Variants in NETO2 observed in about 807,000 individuals in gnomAD.
NETO2 encodes neuropilin and tolloid-like protein 2.
Under a neutral mutation model 62.5 loss-of-function variants are expected in NETO2, and 28 were observed. The ratio of observed to expected loss-of-function variants is 0.45; its 90% CI spans 0.33 to 0.61. The LOEUF (loss-of-function observed/expected upper bound fraction) is 0.61, where lower values mean the gene tolerates loss of function less well. Ranked by LOEUF, NETO2 falls within the 20% of genes least tolerant of loss-of-function variation. The probability of loss-of-function intolerance (pLI) is 0.02; values close to 1 mark genes in which losing one functional copy is unlikely to be tolerated. For missense variants in NETO2, 548 were observed against 643.2 expected (o/e 0.85, Z 1.60); for synonymous variants, 214 against 219.1 (o/e 0.98, Z 0.21).
chr16:47,133,310 C>T (rs1471341784), intron 1 of NETO2, among the ~76,000 whole-genome samples: 1 of 151,688 alleles, frequency 6.6e-6, no homozygotes, highest in Non-Finnish European at 1.5e-5. Context: ...GCTGGTGGCT[C>T]ATGCCTGCAA....
In NETO2 at chr16:47,080,034, G is replaced by C. The variant is rs1963035879; in HGVS notation, c.*3187C>G. ...AAAGTCTAACAATTCTATGAAACAT[G>C]ACAAAGACACTGACATAAGCGCTGT... On this transcript the variant is annotated 3_prime_UTR_variant, in exon 9 of 9. Transcript: ENST00000562435. The C allele has an allele frequency of 6.6e-6, 1 of 152,192 alleles. No individual in the cohort carries two copies. Among genetic ancestry groups the C allele is most frequent in the East Asian group, 1.9e-4 (1 of 5,194 alleles). 9.4% of individuals were successfully genotyped at this position (152,192 alleles called of 1,614,324 possible).
chr16:47,109,419 A>G (rs971722536), intron 7 of NETO2, 64 bp downstream of exon 7: 71 of 1,093,418 alleles, frequency 6.5e-5, no homozygotes, highest in Non-Finnish European at 8.7e-5. Flanking sequence ...GTAAATGCTG[A>G]GTGTACTGTG....
chr16:47,138,103 T>C (rs1964394880), intron 1 of NETO2, among the ~76,000 whole-genome samples: 1 of 152,194 alleles, frequency 6.6e-6, no homozygotes, highest in Non-Finnish European at 1.5e-5. Flanking sequence ...TCTCTTTCTT[T>C]AAAAACACTT....
intron 7 of NETO2, among the ~76,000 whole-genome samples, chr16:47,095,559 A>C (rs1201846181): frequency 1.3e-5 from 2 of 152,192 alleles, no homozygotes; most frequent in Non-Finnish European, 1.5e-5. Context: ...CTAGTCTTGG[A>C]TAAAAAAGGA....
chr16:47,123,721 G>A (rs372379521), intron 4 of NETO2, among the ~76,000 whole-genome samples: 4 of 152,242 alleles, frequency 2.6e-5, no homozygotes, highest in South Asian at 4.1e-4. Context: ...TTTTTGAGAT[G>A]GAGTTTCACA....
Position 47,132,882 on chromosome 16 carries a change from G to A in NETO2, c.35-857C>T, listed in dbSNP as rs549047498. On this transcript the variant is annotated intron_variant, in intron 1 of 8. Transcript: ENST00000562435. Reference sequence around the variant, plus strand: ...AGGAGTTTCATGAATCTAGGCTAGGGTTCAAGTTTTGCCTTCTACCAGCTG... The same window carrying A: ...AGGAGTTTCATGAATCTAGGCTAGGATTCAAGTTTTGCCTTCTACCAGCTG... Among the ~76,000 whole-genome samples, 13 of 152,302 alleles carry A rather than the reference G, an allele frequency of 8.5e-5. No homozygotes were observed. The South Asian group carries it at 2.5e-3, about 29-fold the overall frequency.
chr16:47,112,254 A>ATCACCCATG (rs1279817374), intron 6 of NETO2, among the ~76,000 whole-genome samples: 4 of 152,234 alleles, frequency 2.6e-5, no homozygotes, highest in Admixed American at 2.6e-4. Flanking sequence ...TTTCTTAAAC[A>ATCACCCATG]TCACCCATGA....
intron 2 of NETO2, 42 bp from the exon 3 acceptor site, chr16:47,129,406 G>A: frequency 3.1e-6 from 5 of 1,597,814 alleles, no homozygotes; most frequent in Non-Finnish European, 4.3e-6. Context: ...TACAGCAAAA[G>A]AGAATCATTC....
intron 6 of NETO2, among the ~76,000 whole-genome samples, chr16:47,110,812 C>G (rs1045180844): frequency 4.5e-4 from 68 of 151,806 alleles, no homozygotes; most frequent in Middle Eastern, 6.8e-3. Context: ...ATTCCCCCCC[C>G]ACCCCACCAA....
At chr16:47,122,110 T>C (rs1212166992) in intron 6 of NETO2, among the ~76,000 whole-genome samples, 1 of 152,204 alleles carries the variant, frequency 6.6e-6, no homozygotes, top group African/African-American at 2.4e-5. Flanking sequence ...GAAGTATACA[T>C]TAAATGCAAA....
chr16:47,106,478 G>GA (rs1254697411), intron 7 of NETO2, among the ~76,000 whole-genome samples: 3 of 149,740 alleles, frequency 2.0e-5, no homozygotes, highest in South Asian at 2.1e-4. Flanking sequence ...TGCCACAGTT[G>GA]AAAAAAAAAG....
chr16:47,099,837 T>G (rs748409548), intron 7 of NETO2, among the ~76,000 whole-genome samples: 5 of 152,158 alleles, frequency 3.3e-5, no homozygotes, highest in Non-Finnish European at 7.4e-5. Context: ...ACAAAGAGAC[T>G]TAAGACTCCC....
At chr16:47,092,336 A>G (rs1963329425) in intron 7 of NETO2, among the ~76,000 whole-genome samples, 1 of 152,232 alleles carries the variant, frequency 6.6e-6, no homozygotes. Context: ...GAGTCCTTCC[A>G]GCAAGGCACC....
At chr16:47,115,371 A>G (rs1042563588) in intron 6 of NETO2, among the ~76,000 whole-genome samples, 4 of 152,092 alleles carry the variant, frequency 2.6e-5, no homozygotes, top group Non-Finnish European at 1.5e-5. Context: ...TTGACACAGT[A>G]TATTTACTTA....
intron 4 of NETO2, among the ~76,000 whole-genome samples, chr16:47,126,106 C>CA (rs2151488467): frequency 6.6e-6 from 1 of 152,296 alleles, no homozygotes; most frequent in East Asian, 1.9e-4. Context: ...TGGCTTATCT[C>CA]ACTTAGCATA....
intron 6 of NETO2, among the ~76,000 whole-genome samples, chr16:47,118,143 T>C (rs1445199095): frequency 6.6e-6 from 1 of 152,202 alleles, no homozygotes; most frequent in Non-Finnish European, 1.5e-5. Context: ...TTATTTGTTT[T>C]GGTTCTGCAG....
Position 47,143,586 on chromosome 16 carries a change from G to A in NETO2, c.27C>T (p.Val9=), listed in dbSNP as rs1964511411. The A allele has an allele frequency of 8.2e-7, 1 of 1,223,292 alleles. No individual in the cohort carries two copies. The highest frequency in any genetic ancestry group is 3.3e-5 in the East Asian group (1 of 30,448). The allele number at this position is 1,223,292 out of a possible 1,614,324, so 75.8% of individuals were successfully genotyped here. Residue 9 remains valine, a synonymous_variant, in exon 1 of 9, where the codon GTC becomes GTT. Coordinates refer to ENST00000562435, the MANE Select transcript of NETO2 (RefSeq NM_018092.5). MALERLCS[V]LKVLLITVLV... ...CCCAGCCCCGGTCCTTACCTTTGAG[G>A]ACCGAGCAGAGCCGCTCCAGGGCCA... is the stretch of plus-strand genomic sequence containing the variant.
chr16:47,100,896 C>T (rs962723557), intron 7 of NETO2, among the ~76,000 whole-genome samples: 8 of 152,192 alleles, frequency 5.3e-5, no homozygotes, highest in African/African-American at 1.4e-4. Flanking sequence ...TGGTACCATT[C>T]GTTCTGAAAG....
chr16:47,112,641 T>TGAG (rs1385824807), intron 6 of NETO2, among the ~76,000 whole-genome samples: 2 of 152,254 alleles, frequency 1.3e-5, no homozygotes, highest in African/African-American at 4.8e-5. Context: ...TTTACAAGCG[T>TGAG]GAGCCACTGC....
Sources: allele counts gnomAD v4.1 joint callset (sites outside exome capture counted in the v4.1 genomes callset), GRCh38; gene constraint gnomAD v4.1.1; transcripts MANE v1.5; gene names NCBI Gene and HGNC (gene_info 2026-07-23, HGNC 2026-07-21).